DIS3L2: variants seen among roughly 807,000 people sequenced by gnomAD.
The protein encoded by DIS3L2 is DIS3 like 3'-5' exoribonuclease 2.
Under a neutral mutation model 97.5 loss-of-function variants are expected in DIS3L2, and 34 were observed. The observed-to-expected ratio is 0.35, with a 90% CI of 0.27 to 0.46. The LOEUF is 0.46. Ranked by LOEUF, DIS3L2 falls within the 20% of genes least tolerant of loss-of-function variation. The probability of loss-of-function intolerance (pLI) is 1.00; values close to 1 mark genes in which losing one functional copy is unlikely to be tolerated. For synonymous variants in DIS3L2, 435 were observed against 445.2 expected (o/e 0.98, Z 0.29); for missense variants, 1,038 against 1,146.0 (o/e 0.91, Z 1.36).
chr2:232,251,863 A>G (rs1411281203), intron 12 of DIS3L2, among the ~76,000 whole-genome samples: 1 of 152,260 alleles, frequency 6.6e-6, no homozygotes, highest in African/African-American at 2.4e-5. Flanking sequence ...ATTTTCAGAC[A>G]TACAAGGCTT....
chr2:232,231,235 AG>A (rs1196427841), intron 10 of DIS3L2, among the ~76,000 whole-genome samples: 1 of 152,170 alleles, frequency 6.6e-6, no homozygotes, highest in Non-Finnish European at 1.5e-5. Context: ...ACATAGTAGG[AG>A]CTTAGTAAGT....
chr2:232,249,504 G>A (rs1049132966), intron 12 of DIS3L2, among the ~76,000 whole-genome samples, 158 bp downstream of exon 12: 4 of 152,244 alleles, frequency 2.6e-5, no homozygotes, highest in African/African-American at 9.6e-5. Flanking sequence ...TCCCTGCCTC[G>A]GAAGAGCCGT....
Position 232,160,979 on chromosome 2 carries a change from G to A in DIS3L2, c.951-2480G>A, listed in dbSNP as rs553132121. On this transcript the variant is annotated intron_variant, in intron 8 of 20. Coordinates refer to ENST00000325385, the MANE Select transcript of DIS3L2 (RefSeq NM_152383.5). ...GTTGCCCAGGCTGGAGTACAGTGGC[G>A]TGATCTCGGCTCACCGCAACCTCCG... Among the ~76,000 whole-genome samples the A allele has an allele frequency of 3.3e-5, 5 of 152,256 alleles. No individual in the cohort carries two copies. The East Asian group carries it at 7.7e-4, about 24-fold the overall frequency.
intron 11 of DIS3L2, among the ~76,000 whole-genome samples, chr2:232,245,755 G>T (rs570392931): frequency 9.8e-5 from 15 of 152,320 alleles, no homozygotes; most frequent in African/African-American, 3.4e-4. Context: ...TGTCTTCTGT[G>T]TAAGATATAG....
chr2:232,216,790 A>G (rs778540298), intron 10 of DIS3L2, among the ~76,000 whole-genome samples: 68 of 152,132 alleles, frequency 4.5e-4, no homozygotes, highest in African/African-American at 1.5e-3. Context: ...GAATCAGAGC[A>G]TAAGTGGAAG....
At chr2:232,278,956 A>G (rs1694214753) in intron 13 of DIS3L2, among the ~76,000 whole-genome samples, 1 of 152,064 alleles carries the variant, frequency 6.6e-6, no homozygotes, top group South Asian at 2.1e-4. Flanking sequence ...TTTGTTTTTG[A>G]GATGGAGTTT....
intron 16 of DIS3L2, among the ~76,000 whole-genome samples, chr2:232,333,474 C>G (rs1012354723): frequency 6.6e-6 from 1 of 152,190 alleles, no homozygotes; most frequent in Non-Finnish European, 1.5e-5. Flanking sequence ...AGGCTCAGCT[C>G]GTGCCCCCTA....
At chr2:232,266,262 T>C (rs1314767668) in intron 13 of DIS3L2, among the ~76,000 whole-genome samples, 1 of 152,208 alleles carries the variant, frequency 6.6e-6, no homozygotes, top group African/African-American at 2.4e-5. Flanking sequence ...AATCAGAGTC[T>C]TATTGCTGAA....
chr2:231,981,520 C>A (rs1046138131), intron 1 of DIS3L2, among the ~76,000 whole-genome samples: 1 of 144,496 alleles, frequency 6.9e-6, no homozygotes, highest in African/African-American at 2.5e-5. Flanking sequence ...AGGGCTGCTC[C>A]AGCTTAGTGT....
chr2:232,065,620 A>C (rs1356729914), intron 5 of DIS3L2, among the ~76,000 whole-genome samples: 1 of 151,868 alleles, frequency 6.6e-6, no homozygotes. Context: ...CTTAATATTT[A>C]GTGGTATTTG....
intron 8 of DIS3L2, among the ~76,000 whole-genome samples, chr2:232,158,334 T>C (rs73996910): frequency 0.019 from 2,887 of 148,200 alleles, 79 homozygotes; most frequent in African/African-American, 0.066. Flanking sequence ...TGTGTGTGTG[T>C]GCATGTGTGT....
At chr2:231,980,359 A>T (rs895804875) in intron 1 of DIS3L2, among the ~76,000 whole-genome samples, 1 of 152,128 alleles carries the variant, frequency 6.6e-6, no homozygotes, top group East Asian at 1.9e-4. Context: ...CTTTGGAGAA[A>T]TGCCTGTTCA....
At chr2:232,107,506 C>G (rs1697386957) in intron 6 of DIS3L2, among the ~76,000 whole-genome samples, 2 of 152,106 alleles carry the variant, frequency 1.3e-5, no homozygotes. Context: ...TGAGACCAGC[C>G]TGGCCAACAT....
chr2:232,313,030 C>A (rs1206528257), intron 14 of DIS3L2, among the ~76,000 whole-genome samples: 1 of 151,400 alleles, frequency 6.6e-6, no homozygotes, highest in Non-Finnish European at 1.5e-5. Flanking sequence ...CAGTGTACCT[C>A]ATCATGTCAT....
chr2:231,996,369 T>C (rs1321221954), intron 1 of DIS3L2, among the ~76,000 whole-genome samples: 1 of 152,226 alleles, frequency 6.6e-6, no homozygotes, highest in Non-Finnish European at 1.5e-5. Context: ...ACCTATCTTG[T>C]ATACACCTAG....
Position 232,337,039 on chromosome 2 carries a change from A to G in DIS3L2, c.*409A>G, listed in dbSNP as rs2106358239. On this transcript the variant is annotated 3_prime_UTR_variant, in exon 21 of 21. Transcript: ENST00000325385. ...CAGAATGCCCCTTGCACCCAGGGCAAGGGACCCAGTTCAGGCTTCACCCCT... is the reference window on the plus strand; with the variant it reads ...CAGAATGCCCCTTGCACCCAGGGCAGGGGACCCAGTTCAGGCTTCACCCCT... 9.4e-7 allele frequency: 1 copy of G among 1,066,922 alleles called. No homozygotes were observed. Among genetic ancestry groups the G allele is most frequent in the South Asian group, 2.8e-5 (1 of 35,446 alleles). 66.1% of individuals were successfully genotyped at this position (1,066,922 alleles called of 1,614,324 possible). A position where few individuals can be genotyped will look rare whatever the true frequency, so the allele number is the denominator to read the frequency against.
In DIS3L2 at chr2:232,100,804, G is replaced by GGTGTGTGTGTGT. The variant is rs61079731; in HGVS notation, c.601+13098_601+13109dup. Among the ~76,000 whole-genome samples the GGTGTGTGTGTGT allele has an allele frequency of 3.0e-4, 45 of 147,740 alleles. 1 individual carries two copies. The highest frequency in any genetic ancestry group is 9.1e-4 in the African/African-American group (36 of 39,446). ...TATTACACATATGCTTTGAAAGAAA[G>GGTGTGTGTGTGT]GTGTGTGTGTGTGTGTGTGTGTGTG... is the stretch of plus-strand genomic sequence containing the variant. On this transcript the variant is annotated intron_variant, in intron 6 of 20. Transcript: ENST00000325385.
rs1574857276 is a variant in DIS3L2, at chr2:232,078,945, T to C, written c.367-8542T>C. ...TATAGAAAATTCATGCTTTTTGGAGTAGGTCTTAAAAGATGGATAGATTTT... is the reference window on the plus strand; with the variant it reads ...TATAGAAAATTCATGCTTTTTGGAGCAGGTCTTAAAAGATGGATAGATTTT... On this transcript the variant is annotated intron_variant, in intron 5 of 20. Transcript: ENST00000325385. Among the ~76,000 whole-genome samples, 3 of 152,208 alleles carry C rather than the reference T, an allele frequency of 2.0e-5. 1 individual carries two copies. Among genetic ancestry groups the C allele is most frequent in the Admixed American group, 2.0e-4 (3 of 15,286 alleles).
At chr2:232,081,955 A>G (rs926811206) in intron 5 of DIS3L2, among the ~76,000 whole-genome samples, 2 of 152,122 alleles carry the variant, frequency 1.3e-5, no homozygotes, top group Non-Finnish European at 2.9e-5. Context: ...ATGCCTGGCT[A>G]ATTTTTGTAT....
Sources: allele counts gnomAD v4.1 joint callset (sites outside exome capture counted in the v4.1 genomes callset), GRCh38; gene constraint gnomAD v4.1.1; transcripts MANE v1.5; gene names NCBI Gene and HGNC (gene_info 2026-07-23, HGNC 2026-07-21).